The following GSE1 variants were observed in gnomAD, a reference collection of about 807,000 sequenced individuals.
GSE1 encodes Gse1 coiled-coil protein, also known as genetic suppressor element 1.
Under a neutral mutation model 112.6 loss-of-function variants are expected in GSE1, and 32 were observed. That is an observed-to-expected ratio of 0.28 (90% CI 0.21 to 0.38). The LOEUF is 0.38. GSE1 is among the 10% of genes least tolerant of loss of function. GSE1 has a pLI of 1.00. For synonymous variants in GSE1, 1,115 were observed against 735.6 expected (o/e 1.52, Z -8.35); for missense variants, 2,348 against 1,699.2 (o/e 1.38, Z -6.71).
chr16:85,223,636 G>T (rs977325700), intron 1 of GSE1, among the ~76,000 whole-genome samples: 2 of 151,342 alleles, frequency 1.3e-5, no homozygotes, highest in African/African-American at 4.9e-5. Flanking sequence ...AGACAGTCTC[G>T]CTCTGTCGCC....
chr16:85,440,313 A>C (rs1233514328), intron 2 of GSE1, among the ~76,000 whole-genome samples: 1 of 152,234 alleles, frequency 6.6e-6, no homozygotes, highest in Non-Finnish European at 1.5e-5. Context: ...AACTTGCTCT[A>C]GCAAATCACA....
At chr16:85,279,648 C>T (rs1415516830) in intron 1 of GSE1, among the ~76,000 whole-genome samples, 1 of 152,174 alleles carries the variant, frequency 6.6e-6, no homozygotes, top group Admixed American at 6.5e-5. Context: ...TGATGTAGCT[C>T]TGTGGGTCAG....
At chr16:85,313,104 A>G (rs1020764871) in intron 1 of GSE1, among the ~76,000 whole-genome samples, 2 of 152,178 alleles carry the variant, frequency 1.3e-5, no homozygotes, top group Non-Finnish European at 2.9e-5. Flanking sequence ...CCACAGCAGG[A>G]GGGAAGCCTG....
chr16:85,664,203 C>T (rs907164422), intron 11 of GSE1, among the ~76,000 whole-genome samples: 1 of 152,258 alleles, frequency 6.6e-6, no homozygotes, highest in African/African-American at 2.4e-5. Flanking sequence ...CTTCCTTGGC[C>T]TGCAGCGCAG....
At chr16:85,642,314 A>C (rs1204822060) in intron 2 of GSE1, among the ~76,000 whole-genome samples, 3 of 152,374 alleles carry the variant, frequency 2.0e-5, no homozygotes, top group African/African-American at 7.2e-5. Flanking sequence ...CTGTCTCTAA[A>C]AATATTTTGT....
intron 2 of GSE1, among the ~76,000 whole-genome samples, chr16:85,497,779 G>A (rs2051229205): frequency 6.6e-6 from 1 of 152,150 alleles, no homozygotes; most frequent in Admixed American, 6.5e-5. Flanking sequence ...GGGGAACCCG[G>A]GGTGGGGCAG....
intron 1 of GSE1, among the ~76,000 whole-genome samples, chr16:85,619,314 C>T (rs990609561): frequency 5.9e-5 from 9 of 152,180 alleles, no homozygotes; most frequent in South Asian, 2.1e-4. Flanking sequence ...TGAAGGGTAT[C>T]GACCGCCCAG....
chr16:85,334,946 C>G (rs2046451552), intron 1 of GSE1, among the ~76,000 whole-genome samples: 1 of 152,212 alleles, frequency 6.6e-6, no homozygotes, highest in Non-Finnish European at 1.5e-5. Flanking sequence ...CACAGCAAGA[C>G]AAGCTTGATT....
At chr16:85,532,869 G>T (rs1408772527) in intron 2 of GSE1, among the ~76,000 whole-genome samples, 1 of 152,228 alleles carries the variant, frequency 6.6e-6, no homozygotes, top group Non-Finnish European at 1.5e-5. Context: ...GGCCGCCCCT[G>T]CAAGTCCTGC....
chr16:85,475,345 G>A (rs2050419810), intron 2 of GSE1, among the ~76,000 whole-genome samples: 1 of 152,206 alleles, frequency 6.6e-6, no homozygotes, highest in Admixed American at 6.5e-5. Flanking sequence ...CCTGTACCTG[G>A]GTGGGGTGGG....
At chr16:85,213,015 A>G (rs2075251276) in intron 1 of GSE1, among the ~76,000 whole-genome samples, 1 of 152,110 alleles carries the variant, frequency 6.6e-6, no homozygotes, top group Admixed American at 6.5e-5. Context: ...TCACTCCTGT[A>G]ATCCCAACAC....
chr16:85,416,304 G>A (rs889685640), intron 2 of GSE1, among the ~76,000 whole-genome samples: 2 of 152,198 alleles, frequency 1.3e-5, no homozygotes, highest in South Asian at 2.1e-4. Context: ...GGAGGGGCCC[G>A]GGGCCGGGAG....
At chr16:85,539,532 G>A (rs1292537798) in intron 2 of GSE1, among the ~76,000 whole-genome samples, 1 of 152,182 alleles carries the variant, frequency 6.6e-6, no homozygotes, top group Non-Finnish European at 1.5e-5. Context: ...TGGATAACTC[G>A]AAATTATAAC....
chr16:85,429,010 C>T lies in GSE1; in HGVS notation c.2464+71367C>T, dbSNP rs527422750. 4.6e-5 allele frequency among the ~76,000 whole-genome samples: 7 copies of T among 152,314 alleles called. No individual in the cohort carries two copies. In the East Asian group the frequency reaches 1.2e-3, roughly 25 times the overall value. ...GAATCTCAGCTTCATAACACAGCAG[C>T]GTGCACAACGCACACATACAACACG... On this transcript the variant is annotated intron_variant, in intron 2 of 2. Transcript: ENST00000637419.
At chr16:85,215,714 GA>G (rs1187812710) in intron 1 of GSE1, among the ~76,000 whole-genome samples, 3 of 152,200 alleles carry the variant, frequency 2.0e-5, no homozygotes, top group Non-Finnish European at 1.5e-5. Flanking sequence ...AGCACTTGGG[GA>G]TCAGGGAGTG....
intron 1 of GSE1, among the ~76,000 whole-genome samples, chr16:85,252,315 C>T (rs754955819): frequency 1.3e-5 from 2 of 152,226 alleles, no homozygotes; most frequent in Non-Finnish European, 2.9e-5. Context: ...GGGGCTGGAC[C>T]TGTCACTGTA....
At chr16:85,528,445 G>A (rs962042343) in intron 2 of GSE1, among the ~76,000 whole-genome samples, 8 of 151,794 alleles carry the variant, frequency 5.3e-5, no homozygotes, top group Admixed American at 3.9e-4. Flanking sequence ...CCGGGTAGCC[G>A]GGACTACAGG....
At chr16:85,456,207 T>C (rs781171040) in intron 2 of GSE1, among the ~76,000 whole-genome samples, 1 of 152,132 alleles carries the variant, frequency 6.6e-6, no homozygotes. Context: ...CCCTGGTATA[T>C]TGTCGTGGGG....
intron 1 of GSE1, among the ~76,000 whole-genome samples, chr16:85,205,641 A>T (rs1318394997): frequency 6.6e-6 from 1 of 151,906 alleles, no homozygotes; most frequent in Non-Finnish European, 1.5e-5. Flanking sequence ...TGGGGGTAAG[A>T]GGCAGCTGTG....
Sources: gnomAD v4.1 joint callset for allele counts (sites outside exome capture counted in the v4.1 genomes callset) on GRCh38, gnomAD v4.1.1 for gene constraint, MANE v1.5 for transcripts, NCBI Gene and HGNC (gene_info 2026-07-23, HGNC 2026-07-21) for gene names.